Variants in PPFIBP1 observed in about 807,000 individuals in gnomAD.
PPFIBP1 encodes PPFIB scaffold protein 1.
PPFIBP1 carries 112 observed loss-of-function variants against 137.8 expected under a neutral mutation model. The ratio of observed to expected loss-of-function variants is 0.81; its 90% confidence interval spans 0.70 to 0.95. The LOEUF (loss-of-function observed/expected upper bound fraction) is 0.95. Among genes scored for constraint, PPFIBP1 ranks in the 40% least tolerant of loss-of-function variants. PPFIBP1 has a pLI of 0.00. For missense variants in PPFIBP1, 1,083 were observed against 1,196.6 expected (o/e 0.91, Z 1.40); for synonymous variants, 378 against 417.3 (o/e 0.91, Z 1.15).
At chr12:27,561,616 T>A (rs2049169043) in intron 1 of PPFIBP1, among the ~76,000 whole-genome samples, 1 of 152,162 alleles carries the variant, frequency 6.6e-6, no homozygotes, top group African/African-American at 2.4e-5. Flanking sequence ...AAGTTATGCA[T>A]GGTCTCTCCT....
At chr12:27,608,268 C>G (rs1592816786) in intron 2 of PPFIBP1, among the ~76,000 whole-genome samples, 1 of 152,348 alleles carries the variant, frequency 6.6e-6, no homozygotes, top group East Asian at 1.9e-4. Context: ...AGACAGCACA[C>G]TGTTCTGACA....
chr12:27,630,965 G>A (rs1217289306), intron 2 of PPFIBP1, among the ~76,000 whole-genome samples: 5 of 152,014 alleles, frequency 3.3e-5, no homozygotes, highest in African/African-American at 7.2e-5. Context: ...TAATAAAATC[G>A]TGGCTGAGTC....
intron 1 of PPFIBP1, among the ~76,000 whole-genome samples, chr12:27,556,850 C>T (rs980163009): frequency 6.6e-6 from 1 of 151,870 alleles, no homozygotes; most frequent in South Asian, 2.1e-4. Flanking sequence ...TAGGCCTGTA[C>T]TTTTAAGGGG....
In PPFIBP1 at chr12:27,635,075, C is replaced by A. The variant is rs1339890579; in HGVS notation, c.230C>A (p.Ser77Ter). ...KEGLRCQIPD[S>*]TAETLVEWLQ... ...GGCTTGAGATGCCAGATCCCAGATT[C>A]AACAGCAGAAACGCTTGTTGAATGG... The change falls in exon 4 of 30, where the codon TCA (serine) becomes TAA (stop). Residue 77 changes from serine to a stop codon, truncating the protein, a stop_gained. Coordinates refer to ENST00000228425, the MANE Select transcript of PPFIBP1 (RefSeq NM_003622.4). LOFTEE classifies it high-confidence loss of function. The A allele has an allele frequency of 1.9e-6, 3 of 1,614,194 alleles. No homozygotes were observed. Among genetic ancestry groups the A allele is most frequent in the Non-Finnish European group, 2.5e-6 (3 of 1,179,998 alleles).
In PPFIBP1 at chr12:27,678,856, C is replaced by CAAAAAAAAAAAA. The variant is rs60834907; in HGVS notation, c.1616-619_1616-608dup. Among the ~76,000 whole-genome samples the CAAAAAAAAAAAA allele has an allele frequency of 1.8e-4, 18 of 98,960 alleles. 1 individual carries two copies. Among genetic ancestry groups the CAAAAAAAAAAAA allele is most frequent in the South Asian group, 1.2e-3 (3 of 2,448 alleles). 64.9% of individuals were successfully genotyped at this position (98,960 alleles called of 152,430 possible). ...TGGGAAACAGAGTGAGACTCTGTCT[C>CAAAAAAAAAAAA]AAAAAAAAAAAAAAAAAAAAAAAAA... On this transcript the variant is annotated intron_variant, in intron 19 of 29. Coordinates refer to ENST00000228425, the MANE Select transcript of PPFIBP1 (RefSeq NM_003622.4).
At chr12:27,603,616 G>A (rs2054221583) in intron 2 of PPFIBP1, among the ~76,000 whole-genome samples, 1 of 152,160 alleles carries the variant, frequency 6.6e-6, no homozygotes, top group African/African-American at 2.4e-5. Flanking sequence ...CCAACATGGT[G>A]CCTGACCAAC....
In PPFIBP1 at chr12:27,567,175, C is replaced by T. The variant is rs183913589; in HGVS notation, c.-123-10977C>T. ...ATTGTACCTGCAAATACAATTCAGA[C>T]CATGGGGTGCTCTACAGGCCCAATA... On this transcript the variant is annotated intron_variant, in intron 1 of 29. Transcript: ENST00000228425. 6.6e-5 allele frequency among the ~76,000 whole-genome samples: 10 copies of T among 152,210 alleles called. 1 individual carries two copies. In the East Asian group the frequency reaches 1.9e-3, roughly 29 times the overall value.
rs2061658307 is a variant in PPFIBP1, at chr12:27,693,465, A to C, written c.*583A>C. On this transcript the variant is annotated 3_prime_UTR_variant, in exon 30 of 30. Coordinates refer to ENST00000228425, the MANE Select transcript of PPFIBP1 (RefSeq NM_003622.4). ...ACGATGGTGAAAAGATCACGTTTTC[A>C]AAACAATCTGGTGATCAGAATGTTC... The C allele has an allele frequency of 6.6e-6, 1 of 152,224 alleles. No homozygotes were observed. Among genetic ancestry groups the C allele is most frequent in the Non-Finnish European group, 1.5e-5 (1 of 68,050 alleles). 9.4% of individuals were successfully genotyped at this position (152,224 alleles called of 1,614,324 possible).
At chr12:27,536,892 A>C (rs1228983202) in intron 1 of PPFIBP1, among the ~76,000 whole-genome samples, 1 of 152,184 alleles carries the variant, frequency 6.6e-6, no homozygotes, top group East Asian at 1.9e-4. Flanking sequence ...CTCACTTTTG[A>C]GGCTAAGTTT....
At chr12:27,590,867 G>A (rs1592681958) in intron 2 of PPFIBP1, among the ~76,000 whole-genome samples, 1 of 152,156 alleles carries the variant, frequency 6.6e-6, no homozygotes, top group East Asian at 1.9e-4. Context: ...AGATGTGGTA[G>A]ACATGCCAAG....
rs573878241 is a variant in PPFIBP1, at chr12:27,676,884, G to C, written c.1583-180G>C. On this transcript the variant is annotated intron_variant, in intron 18 of 29. Transcript: ENST00000228425. Reference sequence around the variant, plus strand: ...ATGGAGTTTCCCATCTGTTGTGATAGTGGATAAATTAACATTGACGTTGAG... The same window carrying C: ...ATGGAGTTTCCCATCTGTTGTGATACTGGATAAATTAACATTGACGTTGAG... 10 of 817,460 alleles carry C rather than the reference G, an allele frequency of 1.2e-5. No individual in the cohort carries two copies. The African/African-American group carries it at 1.7e-4, about 14-fold the overall frequency. The allele number at this position is 817,460 out of a possible 1,614,324, so 50.6% of individuals were successfully genotyped here. A position where few individuals can be genotyped will look rare whatever the true frequency, so the allele number is the denominator to read the frequency against.
chr12:27,580,410 T>C (rs1265948670), intron 2 of PPFIBP1, among the ~76,000 whole-genome samples: 2 of 152,222 alleles, frequency 1.3e-5, no homozygotes, highest in African/African-American at 4.8e-5. Flanking sequence ...TCTCGTGACC[T>C]TTCTGGATCA....
At chr12:27,616,245 T>C (rs1592877522) in intron 2 of PPFIBP1, among the ~76,000 whole-genome samples, 1 of 151,944 alleles carries the variant, frequency 6.6e-6, no homozygotes, top group South Asian at 2.1e-4. Flanking sequence ...TCCCAAAATT[T>C]CCAGAACTCA....
intron 1 of PPFIBP1, among the ~76,000 whole-genome samples, chr12:27,559,949 T>A (rs1302391844): frequency 6.6e-6 from 1 of 152,190 alleles, no homozygotes; most frequent in Non-Finnish European, 1.5e-5. Flanking sequence ...ACACTGTAAT[T>A]GTGATTTGAA....
chr12:27,650,029 C>T lies in PPFIBP1; in HGVS notation c.491C>T (p.Ser164Phe). 6.2e-7 allele frequency: 1 copy of T among 1,602,672 alleles called. No individual in the cohort carries two copies. The highest frequency in any genetic ancestry group is 8.5e-7 in the Non-Finnish European group (1 of 1,170,214). ...TAATAGGAGCTTCTAAGTAGGACAT[C>T]CTTAGAAACTCAGAAGTTGGATCTG... ...MLQQELLSRT[S>F]LETQKLDLMA... Residue 164 changes from serine to phenylalanine, a missense_variant, in exon 7 of 30, where the codon TCC becomes TTC. By Grantham distance (155) the Ser-to-Phe change is radical (BLOSUM62 -2). Coordinates refer to ENST00000228425, the MANE Select transcript of PPFIBP1 (RefSeq NM_003622.4).
At chr12:27,606,341 C>G (rs2054521462) in intron 2 of PPFIBP1, among the ~76,000 whole-genome samples, 2 of 150,266 alleles carry the variant, frequency 1.3e-5, no homozygotes, top group Non-Finnish European at 3.0e-5. Flanking sequence ...AGGATGAGTT[C>G]TCATGTACCC....
intron 11 of PPFIBP1, among the ~76,000 whole-genome samples, chr12:27,661,394 C>A (rs562159222): frequency 6.6e-6 from 1 of 152,166 alleles, no homozygotes; most frequent in Non-Finnish European, 1.5e-5. Context: ...TCTCTGCTCT[C>A]CCGAGAGATT....
At chr12:27,596,468 G>T (rs1297047237) in intron 2 of PPFIBP1, among the ~76,000 whole-genome samples, 2 of 152,120 alleles carry the variant, frequency 1.3e-5, no homozygotes, top group African/African-American at 4.8e-5. Flanking sequence ...AATCCTGGAG[G>T]CTGTTTAAGT....
chr12:27,529,702 ATAATAG>A (rs964876352), intron 1 of PPFIBP1, among the ~76,000 whole-genome samples: 9 of 152,186 alleles, frequency 5.9e-5, no homozygotes, highest in African/African-American at 2.2e-4. Flanking sequence ...TAAAATAATA[ATAATAG>A]TAAGTTGCCA....
Sources: gnomAD v4.1 joint callset for allele counts (sites outside exome capture counted in the v4.1 genomes callset) on GRCh38, gnomAD v4.1.1 for gene constraint, MANE v1.5 for transcripts, NCBI Gene and HGNC (gene_info 2026-07-23, HGNC 2026-07-21) for gene names.